SIPA1L3: variants seen among roughly 807,000 people sequenced by gnomAD.
The protein encoded by SIPA1L3 is signal induced proliferation associated 1 like 3, also known as signal-induced proliferation-associated 1-like protein 3.
A neutral mutation model predicts 150.1 loss-of-function variants in SIPA1L3; 59 were observed. That is an observed-to-expected ratio of 0.39 (90% CI 0.32 to 0.49). The LOEUF (loss-of-function observed/expected upper bound fraction) is 0.49. Ranked by LOEUF, SIPA1L3 falls within the 20% of genes least tolerant of loss-of-function variation. The probability of loss-of-function intolerance (pLI) is 0.86; values close to 1 mark genes in which losing one functional copy is unlikely to be tolerated. For missense variants in SIPA1L3, 2,211 were observed against 2,489.5 expected (o/e 0.89, Z 2.38); for synonymous variants, 1,070 against 1,077.6 (o/e 0.99, Z 0.14).
intron 21 of SIPA1L3, among the ~76,000 whole-genome samples, chr19:38,204,603 A>G (rs1275732222): frequency 6.6e-6 from 1 of 152,082 alleles, no homozygotes; most frequent in Admixed American, 6.5e-5. Flanking sequence ...ATCTCTATTA[A>G]AAAGTACAAT....
chr19:38,072,229 G>A (rs1437956254), intron 2 of SIPA1L3, among the ~76,000 whole-genome samples: 1 of 152,164 alleles, frequency 6.6e-6, no homozygotes, highest in Non-Finnish European at 1.5e-5. Flanking sequence ...TAAAATGGAG[G>A]TAATAATGAT....
rs149431395 is a variant in SIPA1L3 at position 38,164,808 on chromosome 19, C to T, written c.4110C>T (p.Ala1370=). 71 of 1,611,388 alleles carry T rather than the reference C, an allele frequency of 4.4e-5. No individual in the cohort carries two copies. The highest frequency in any genetic ancestry group is 3.4e-4 in the South Asian group (31 of 90,930). ...AGGTCTCCCCTGCCCCCGCAGTTGC[C>T]GGCCAAAGCAAGGGCTACCGACCGA... ...RREVSPAPAV[A]GQSKGYRPKL... Residue 1370 remains alanine (A), a synonymous_variant, in exon 15 of 22, where the codon GCC becomes GCT. Transcript: ENST00000222345. The surrounding 1 kb of genome is among the most constrained non-coding windows in gnomAD (Gnocchi z 4.1).
rs1972171693 is a variant in SIPA1L3 at position 38,164,789 on chromosome 19, C to T, written c.4091C>T (p.Ser1364Phe). Residue 1364 changes from serine (S) to phenylalanine (F), a missense_variant, in exon 15 of 22, where the codon TCC becomes TTC. Transcript: ENST00000222345. The surrounding 1 kb of genome is among the most constrained non-coding windows in gnomAD (Gnocchi z 4.1). ...CACGCAGACAGGCGGCGGGAGGTCT[C>T]CCCTGCCCCCGCAGTTGCCGGCCAA... ...SHHADRRREV[S>F]PAPAVAGQSK... 1.9e-6 allele frequency: 3 copies of T among 1,611,730 alleles called. No individual in the cohort carries two copies. The Admixed American group carries it at 5.0e-5, about 27-fold the overall frequency.
chr19:38,043,832 C>G (rs1295871852), intron 2 of SIPA1L3, among the ~76,000 whole-genome samples: 2 of 152,142 alleles, frequency 1.3e-5, no homozygotes, highest in Non-Finnish European at 2.9e-5. Flanking sequence ...CACAGGAGGT[C>G]TGCTAGGGAC....
Position 38,082,587 on chromosome 19 carries a change from C to G in SIPA1L3, c.1022C>G (p.Ala341Gly). The change falls in exon 3 of 22, where the codon GCC becomes GGC. Residue 341 changes from alanine to glycine, a missense_variant. Physicochemically the swap from Ala to Gly is moderately conservative, Grantham distance 60. Around this residue, in one of 5 missense-constraint regions of SIPA1L3, gnomAD observed 587 missense variants for 534.5 expected, o/e 1.10. Coordinates refer to ENST00000222345, the MANE Select transcript of SIPA1L3 (RefSeq NM_015073.3). Reference protein sequence around the residue: ...SRPWVCQKSFAHFDVQSMLFD... With the variant: ...SRPWVCQKSFGHFDVQSMLFD... Reference sequence around the variant, plus strand: ...CCGTGGGTGTGTCAGAAGAGCTTCGCCCACTTCGACGTGCAGAGCATGCTG... The same window carrying G: ...CCGTGGGTGTGTCAGAAGAGCTTCGGCCACTTCGACGTGCAGAGCATGCTG... 1 of 1,604,216 alleles carries G rather than the reference C, an allele frequency of 6.2e-7. No individual in the cohort carries two copies. The highest frequency in any genetic ancestry group is 8.5e-7 in the Non-Finnish European group (1 of 1,179,688).
At chr19:38,194,409 T>C (rs964701428) in intron 18 of SIPA1L3, among the ~76,000 whole-genome samples, 1 of 148,906 alleles carries the variant, frequency 6.7e-6, no homozygotes, top group Non-Finnish European at 1.5e-5. Flanking sequence ...GTTTGCACCA[T>C]GCTCACTGGG....
At chr19:37,992,654 A>T (rs1363055267) in intron 1 of SIPA1L3, among the ~76,000 whole-genome samples, 7 of 10,890 alleles carry the variant, frequency 6.4e-4, no homozygotes, top group South Asian at 0.022. Flanking sequence ...CTGTCTTAAA[A>T]AAAAAAAAAA....
intron 1 of SIPA1L3, among the ~76,000 whole-genome samples, chr19:37,970,149 C>A (rs1966896872): frequency 6.6e-6 from 1 of 152,158 alleles, no homozygotes; most frequent in Admixed American, 6.5e-5. Flanking sequence ...GGAACAAAGT[C>A]TGGCCGGAAG....
chr19:38,028,522 C>T (rs746103230), intron 1 of SIPA1L3, among the ~76,000 whole-genome samples: 23 of 152,080 alleles, frequency 1.5e-4, no homozygotes, highest in Non-Finnish European at 3.1e-4. Context: ...ATCACTATGG[C>T]GTCACCCCGC....
chr19:38,165,811 G>A (rs1473293951), intron 15 of SIPA1L3, among the ~76,000 whole-genome samples: 1 of 152,168 alleles, frequency 6.6e-6, no homozygotes, highest in Admixed American at 6.5e-5. Flanking sequence ...CACCAGGCCG[G>A]AGTGCAGTGG....
intron 1 of SIPA1L3, among the ~76,000 whole-genome samples, chr19:38,001,552 A>G (rs1967808314): frequency 6.6e-6 from 1 of 151,880 alleles, no homozygotes; most frequent in South Asian, 2.1e-4. Context: ...CAGCCTCCCA[A>G]ATAGCTATGA....
chr19:38,053,448 A>G (rs910718402), intron 2 of SIPA1L3, among the ~76,000 whole-genome samples: 1 of 152,230 alleles, frequency 6.6e-6, no homozygotes, highest in Non-Finnish European at 1.5e-5. Flanking sequence ...AATCCATATA[A>G]TAGTGGTAGT....
At chr19:37,945,095 G>A (rs1043415456) in intron 1 of SIPA1L3, among the ~76,000 whole-genome samples, 1 of 152,200 alleles carries the variant, frequency 6.6e-6, no homozygotes, top group African/African-American at 2.4e-5. Context: ...CTATTTTATA[G>A]TAAAGTGCTG....
At chr19:37,982,635 A>G (rs73036658) in intron 1 of SIPA1L3, among the ~76,000 whole-genome samples, 44,418 of 152,162 alleles carry the variant, frequency 0.29, 7,231 homozygotes, top group Non-Finnish European at 0.37. Context: ...AAAGCCCGCC[A>G]TGTAAATGGC....
At chr19:38,146,660 G>A (rs891908403) in intron 12 of SIPA1L3, among the ~76,000 whole-genome samples, 2 of 152,158 alleles carry the variant, frequency 1.3e-5, no homozygotes, top group Non-Finnish European at 2.9e-5. Flanking sequence ...CAGAGTGTCT[G>A]TATCATTTTA....
intron 14 of SIPA1L3, among the ~76,000 whole-genome samples, chr19:38,162,931 C>T (rs946680996): frequency 6.6e-6 from 1 of 152,208 alleles, no homozygotes; most frequent in African/African-American, 2.4e-5. Flanking sequence ...CCACACCTAG[C>T]TGCAAGGGAG....
At chr19:37,932,287 C>T (rs1312490682) in intron 1 of SIPA1L3, 2 of 152,286 alleles carry the variant, frequency 1.3e-5, no homozygotes, top group Non-Finnish European at 2.9e-5. Flanking sequence ...GCCTTTGTTA[C>T]CTTTGAGCTT....
rs2046602257 is a variant in SIPA1L3, at chr19:37,936,539, T to C, written c.-379+29181T>C. On this transcript the variant is annotated intron_variant, in intron 1 of 21. Coordinates refer to ENST00000222345, the MANE Select transcript of SIPA1L3 (RefSeq NM_015073.3). Reference sequence around the variant, plus strand: ...ATGATAAGAATAGTAGCCAGTCTCATTAAGGGCTTACCTTGTGTAGAGGAA... The same window carrying C: ...ATGATAAGAATAGTAGCCAGTCTCACTAAGGGCTTACCTTGTGTAGAGGAA... Among the ~76,000 whole-genome samples, 4 of 152,370 alleles carry C rather than the reference T, an allele frequency of 2.6e-5. No homozygotes were observed. In the South Asian group the frequency reaches 8.3e-4, roughly 32 times the overall value.
At chr19:38,058,184 A>T (rs1479422474) in intron 2 of SIPA1L3, among the ~76,000 whole-genome samples, 1 of 152,034 alleles carries the variant, frequency 6.6e-6, no homozygotes, top group Non-Finnish European at 1.5e-5. Flanking sequence ...CCGGAGCAGG[A>T]TGTTTGATTA....
Sources: gnomAD v4.1 joint callset for allele counts (sites outside exome capture counted in the v4.1 genomes callset) on GRCh38, gnomAD v4.1.1 for gene constraint, gnomAD v4.1.1 regional missense constraint, Gnocchi (gnomAD v3.1) non-coding constraint, MANE v1.5 for transcripts, NCBI Gene and HGNC (gene_info 2026-07-23, HGNC 2026-07-21) for gene names.